CR1L: variants seen among roughly 807,000 people sequenced by gnomAD.
CR1L encodes complement C3b/C4b receptor 1 like.
In CR1L, 59 loss-of-function variants were observed where a neutral mutation model predicts 62.3. The observed-to-expected ratio is 0.95, with a 90% confidence interval of 0.77 to 1.18. The LOEUF is 1.18. Ranked by LOEUF, CR1L falls within the 50% of genes most tolerant of loss-of-function variation. CR1L has a pLI of 0.00. For missense variants in CR1L, 700 were observed against 702.8 expected (o/e 1.00, Z 0.04); for synonymous variants, 279 against 248.7 (o/e 1.12, Z -1.15).
intron 2 of CR1L, among the ~76,000 whole-genome samples, chr1:207,677,779 C>T (rs560949277): frequency 1.7e-3 from 264 of 152,318 alleles, no homozygotes; most frequent in Non-Finnish European, 2.8e-3. Context: ...ACCGTCATTG[C>T]AGGACATGAT....
At chr1:207,721,056 T>G (rs1654124559) in intron 11 of CR1L, among the ~76,000 whole-genome samples, 1 of 152,164 alleles carries the variant, frequency 6.6e-6, no homozygotes, top group Non-Finnish European at 1.5e-5. Context: ...CTTGAAAGTT[T>G]CTGCAGGGAA....
chr1:207,663,060 G>C (rs1187455177), intron 1 of CR1L, among the ~76,000 whole-genome samples: 1 of 152,196 alleles, frequency 6.6e-6, no homozygotes, highest in Admixed American at 6.5e-5. Flanking sequence ...CCCCTACTGG[G>C]GGGTGCCTCC....
intron 1 of CR1L, among the ~76,000 whole-genome samples, chr1:207,648,420 A>G (rs1663169558): frequency 6.6e-6 from 1 of 152,200 alleles, no homozygotes; most frequent in South Asian, 2.1e-4. Flanking sequence ...AGTAAAAATG[A>G]GAACTCACGA....
At chr1:207,702,556 C>T (rs1388565879) in intron 9 of CR1L, among the ~76,000 whole-genome samples, 7 of 152,120 alleles carry the variant, frequency 4.6e-5, no homozygotes, top group African/African-American at 7.2e-5. Context: ...AAACAGCTAG[C>T]GAGTTGCAAA....
intron 1 of CR1L, among the ~76,000 whole-genome samples, chr1:207,665,690 G>T (rs1203918533): frequency 6.6e-6 from 1 of 152,218 alleles, no homozygotes; most frequent in Non-Finnish European, 1.5e-5. Flanking sequence ...ACCATGCCTG[G>T]CAAAGAATGA....
At chr1:207,664,932 T>C (rs1159076086) in intron 1 of CR1L, among the ~76,000 whole-genome samples, 1 of 152,236 alleles carries the variant, frequency 6.6e-6, no homozygotes, top group Non-Finnish European at 1.5e-5. Flanking sequence ...AATTATGTAG[T>C]ATAATACCAC....
rs1664119719 is a variant in CR1L, at chr1:207,697,488, T to C, written c.863-15T>C. On this transcript the variant is annotated splice_polypyrimidine_tract_variant and intron_variant, in intron 5 of 11. Coordinates refer to ENST00000508064, the MANE Select transcript of CR1L (RefSeq NM_175710.2). ...TTTTCACACAATTAGCAGTACTTTG[T>C]TTCTCTCTCCCCAGTATGTCAGCCA... 6.2e-7 allele frequency: 1 copy of C among 1,613,652 alleles called. No homozygotes were observed. The highest frequency in any genetic ancestry group is 8.5e-7 in the Non-Finnish European group (1 of 1,179,730).
At position 207,701,409 on chromosome 1, in the gene CR1L, C is replaced by A. The variant is rs148586853; in HGVS notation, c.1229-110C>A. On this transcript the variant is annotated intron_variant, in intron 8 of 11. Transcript: ENST00000508064. ...TCTCAAGGTGCCAAAATCTGTGGAA[C>A]TATCAGAACTGCGTGTTTTCTTCAG... The A allele has an allele frequency of 1.3e-3, 1,776 of 1,387,204 alleles. 6 individuals are homozygous for A. The Middle Eastern group carries it at 0.023, about 18-fold the overall frequency. 85.9% of individuals were successfully genotyped at this position (1,387,204 alleles called of 1,614,324 possible). A position where few individuals can be genotyped will look rare whatever the true frequency, so the allele number is the denominator to read the frequency against.
chr1:207,714,504 C>A (rs1384364896), intron 10 of CR1L, among the ~76,000 whole-genome samples: 3 of 152,132 alleles, frequency 2.0e-5, no homozygotes, highest in Non-Finnish European at 1.5e-5. Context: ...GCCCCATCTG[C>A]CTGTGATTTG....
At chr1:207,669,497 G>T (rs1470272655) in intron 1 of CR1L, 1 of 1,583,182 alleles carries the variant, frequency 6.3e-7, no homozygotes, top group African/African-American at 1.4e-5. Context: ...CCGGCGCCCG[G>T]TCTCCCCTTC....
intron 1 of CR1L, among the ~76,000 whole-genome samples, chr1:207,676,641 A>G (rs1663696525): frequency 6.6e-6 from 1 of 152,244 alleles, no homozygotes; most frequent in Admixed American, 6.5e-5. Flanking sequence ...AAAGGAATCA[A>G]TCTCTTTGCT....
intron 3 of CR1L, among the ~76,000 whole-genome samples, chr1:207,681,979 C>G (rs1264230938): frequency 6.6e-6 from 1 of 150,734 alleles, no homozygotes; most frequent in Non-Finnish European, 1.5e-5. Context: ...GGGAGCATCA[C>G]ACTCCGGGGC....
At chr1:207,701,768 TAGG>T in intron 9 of CR1L, 150 bp downstream of exon 9, 1 of 1,084,574 alleles carries the variant, frequency 9.2e-7, no homozygotes, top group South Asian at 1.3e-5. Context: ...TGAACAAAGA[TAGG>T]AGAAGATTAG....
Position 207,686,866 on chromosome 1 carries a change from G to A in CR1L, c.463+2909G>A, listed in dbSNP as rs575841111. Among the ~76,000 whole-genome samples the A allele has an allele frequency of 8.5e-5, 13 of 152,256 alleles. No individual in the cohort carries two copies. The East Asian group carries it at 1.9e-3, about 23-fold the overall frequency. ...CAGAGCTGTCACGAATGGGATTAGC[G>A]TCCTAATAAAAGAGGCCCAGAAGAG... is the stretch of plus-strand genomic sequence containing the variant. On this transcript the variant is annotated intron_variant, in intron 4 of 11. Coordinates refer to ENST00000508064, the MANE Select transcript of CR1L (RefSeq NM_175710.2).
Position 207,694,696 on chromosome 1 carries a change from T to G in CR1L, c.807T>G (p.His269Gln). ...QPGFGMKGPS[H>Q]VKCQALNKWE... Reference sequence around the variant, plus strand: ...GCTTTGGCATGAAAGGGCCCTCCCATGTGAAGTGCCAGGCCCTGAACAAAT... The same window carrying G: ...GCTTTGGCATGAAAGGGCCCTCCCAGGTGAAGTGCCAGGCCCTGAACAAAT... Residue 269 changes from histidine to glutamine, a missense_variant, in exon 5 of 12, where the codon CAT (histidine) becomes CAG (glutamine). Coordinates refer to ENST00000508064, the MANE Select transcript of CR1L (RefSeq NM_175710.2). 1 of 1,611,878 alleles carries G rather than the reference T, an allele frequency of 6.2e-7. No individual in the cohort carries two copies. The highest frequency in any genetic ancestry group is 1.3e-5 in the African/African-American group (1 of 74,994).
rs1248792959 is a variant in CR1L at position 207,715,398 on chromosome 1, G to A, written c.1415-2066G>A. On this transcript the variant is annotated intron_variant, in intron 10 of 11. Transcript: ENST00000508064. ...AATAGCAGTGTTCCAGTGTGTGAAC[G>A]TGAGTAGAAAGAACTACGTAGTTTG... 33 of 1,568,150 alleles carry A rather than the reference G, an allele frequency of 2.1e-5. No homozygotes were observed. The South Asian group carries it at 2.9e-4, about 14-fold the overall frequency.
intron 4 of CR1L, among the ~76,000 whole-genome samples, chr1:207,685,897 T>C (rs1571519643): frequency 6.6e-6 from 1 of 152,032 alleles, no homozygotes; most frequent in Non-Finnish European, 1.5e-5. Flanking sequence ...GTAACCCTAG[T>C]CCAGAACCGT....
chr1:207,671,602 G>C (rs1663616295), intron 1 of CR1L, among the ~76,000 whole-genome samples: 1 of 150,974 alleles, frequency 6.6e-6, no homozygotes, highest in African/African-American at 2.5e-5. Flanking sequence ...GTAAGGAAGA[G>C]TGAATTGCAT....
At chr1:207,690,879 G>T (rs1663986012) in intron 4 of CR1L, among the ~76,000 whole-genome samples, 1 of 152,116 alleles carries the variant, frequency 6.6e-6, no homozygotes, top group Admixed American at 6.6e-5. Context: ...TTGCTCTTCT[G>T]GCTCCTGTAA....
Sources: allele counts gnomAD v4.1 joint callset (sites outside exome capture counted in the v4.1 genomes callset), GRCh38; gene constraint gnomAD v4.1.1; transcripts MANE v1.5; gene names NCBI Gene and HGNC (gene_info 2026-07-23, HGNC 2026-07-21).